The following DBX2 variants were observed in gnomAD, a reference collection of about 807,000 sequenced individuals.
The protein encoded by DBX2 is homeobox protein DBX2.
A neutral mutation model predicts 17.7 loss-of-function variants in DBX2; 16 were observed. The ratio of observed to expected loss-of-function variants is 0.90; its 90% confidence interval spans 0.61 to 1.37. DBX2 has a LOEUF of 1.37. Ranked by LOEUF, DBX2 falls within the 40% of genes most tolerant of loss-of-function variation. The pLI is 0.00. For missense variants in DBX2, 538 were observed against 433.8 expected, an observed-to-expected ratio of 1.24 and a Z score of -2.13; for synonymous variants, 255 against 183.8, an observed-to-expected ratio of 1.39 and a Z score of -3.13.
chr12:45,018,695 T>A (rs1308183469), intron 3 of DBX2, among the ~76,000 whole-genome samples: 1 of 152,050 alleles, frequency 6.6e-6, no homozygotes, highest in Non-Finnish European at 1.5e-5. Flanking sequence ...TGTACACCCA[T>A]ATTCGCAGCA....
chr12:45,022,332 C>G (rs904331813), intron 3 of DBX2, among the ~76,000 whole-genome samples: 2 of 104,402 alleles, frequency 1.9e-5, no homozygotes, highest in African/African-American at 7.7e-5. Flanking sequence ...GAGATGGAGT[C>G]TTGCACTGTC....
intron 1 of DBX2, among the ~76,000 whole-genome samples, chr12:45,036,467 T>C (rs898872645): frequency 2.6e-5 from 4 of 152,220 alleles, no homozygotes; most frequent in African/African-American, 9.6e-5. Flanking sequence ...TGTCTATGTC[T>C]GTATTGTTCA....
intron 1 of DBX2, among the ~76,000 whole-genome samples, chr12:45,046,733 T>A (rs1424654056): frequency 1.3e-5 from 2 of 152,112 alleles, no homozygotes; most frequent in African/African-American, 4.8e-5. Flanking sequence ...AATTAATGGG[T>A]AAACAGTACT....
chr12:45,023,752 T>A lies in DBX2; in HGVS notation c.642A>T (p.Thr214=). Reference sequence around the variant, plus strand: ...AGTTGATGGCAAGTTTCTTTCGGTCTGTTTTGCTGATATATTTCTGTTTCT... The same window carrying A: ...AGTTGATGGCAAGTTTCTTTCGGTCAGTTTTGCTGATATATTTCTGTTTCT... The part of the protein sequence containing the change: ...MFQKQKYISK[T]DRKKLAINLG... Residue 214 remains threonine (T), a synonymous_variant, in exon 3 of 4, where the codon ACA becomes ACT. Coordinates refer to ENST00000332700, the MANE Select transcript of DBX2 (RefSeq NM_001004329.3). The A allele has an allele frequency of 6.2e-7, 1 of 1,614,202 alleles. No homozygotes were observed. Among genetic ancestry groups the A allele is most frequent in the Non-Finnish European group, 8.5e-7 (1 of 1,180,042 alleles).
intron 1 of DBX2, among the ~76,000 whole-genome samples, chr12:45,039,689 A>G (rs531481216): frequency 6.6e-6 from 1 of 152,118 alleles, no homozygotes; most frequent in African/African-American, 2.4e-5. Context: ...CATTCGACAC[A>G]TCTGAAATGT....
At chr12:45,037,573 A>T in intron 1 of DBX2, among the ~76,000 whole-genome samples, 1 of 152,156 alleles carries the variant, frequency 6.6e-6, no homozygotes, top group Admixed American at 6.5e-5. Context: ...TTTCATATTC[A>T]AGGGACAACT....
Position 45,016,463 on chromosome 12 carries a change from G to T in DBX2, c.843C>A (p.Asp281Glu). ...GFPSPCPSIW[D>E]VPQQHSSPRW... ...TTGGACTTGAGTGCTGTTGGGGGAC[G>T]TCCCATATTGAAGGACATGGAGAAG... is the stretch of plus-strand genomic sequence containing the variant. The change falls in exon 4 of 4, where the codon GAC becomes GAA. Residue 281 changes from aspartate to glutamate, a missense_variant. Coordinates refer to ENST00000332700, the MANE Select transcript of DBX2 (RefSeq NM_001004329.3). 1 of 1,613,888 alleles carries T rather than the reference G, an allele frequency of 6.2e-7. No homozygotes were observed. Among genetic ancestry groups the T allele is most frequent in the Non-Finnish European group, 8.5e-7 (1 of 1,179,920 alleles).
At chr12:45,029,046 A>G (rs2137023188) in intron 2 of DBX2, among the ~76,000 whole-genome samples, 1 of 152,318 alleles carries the variant, frequency 6.6e-6, no homozygotes, top group Non-Finnish European at 1.5e-5. Context: ...TACCATTTTC[A>G]TACCTTCTAA....
Position 45,047,999 on chromosome 12 carries a change from C to T in DBX2, c.403+2526G>A, listed in dbSNP as rs139615097. Among the ~76,000 whole-genome samples, 385 of 152,118 alleles carry T rather than the reference C, an allele frequency of 2.5e-3. 2 individuals are homozygous for T. The highest frequency in any genetic ancestry group is 8.6e-3 in the African/African-American group (356 of 41,500). ...CATGGAATGTAAGCTCTACAAGGGC[C>T]GAGACAGTCATCTGTCTTGTTAACT... is the stretch of plus-strand genomic sequence containing the variant. On this transcript the variant is annotated intron_variant, in intron 1 of 3. Transcript: ENST00000332700.
At chr12:45,046,746 G>T (rs1198516769) in intron 1 of DBX2, among the ~76,000 whole-genome samples, 1 of 151,968 alleles carries the variant, frequency 6.6e-6, no homozygotes, top group Non-Finnish European at 1.5e-5. Flanking sequence ...ACAGTACTTG[G>T]GATTGGGAGA....
chr12:45,040,926 A>G (rs1946467723), intron 1 of DBX2, among the ~76,000 whole-genome samples: 2 of 152,004 alleles, frequency 1.3e-5, no homozygotes, highest in African/African-American at 4.8e-5. Context: ...ATTTCAAAGG[A>G]AGAATACTAA....
chr12:45,029,230 G>A (rs1210793129), intron 2 of DBX2, among the ~76,000 whole-genome samples: 2 of 152,198 alleles, frequency 1.3e-5, no homozygotes, highest in Non-Finnish European at 2.9e-5. Flanking sequence ...TTTAAAAGCT[G>A]GAGCCACCAA....
At chr12:45,025,746 T>C (rs950226984) in intron 2 of DBX2, among the ~76,000 whole-genome samples, 3 of 40,756 alleles carry the variant, frequency 7.4e-5, no homozygotes, top group Admixed American at 6.1e-4. Flanking sequence ...TAAATGAATG[T>C]CATAAGTACT....
intron 1 of DBX2, among the ~76,000 whole-genome samples, chr12:45,038,159 A>G (rs1946450408): frequency 6.6e-6 from 1 of 152,042 alleles, no homozygotes; most frequent in South Asian, 2.1e-4. Flanking sequence ...GAAGTACTTC[A>G]GAAAGAAGAA....
intron 3 of DBX2, among the ~76,000 whole-genome samples, chr12:45,023,412 A>G (rs2643142): frequency 1.3e-5 from 2 of 152,022 alleles, no homozygotes; most frequent in African/African-American, 4.8e-5. Flanking sequence ...TCTCTTCATT[A>G]GAAAATAAAG....
chr12:45,036,971 A>G (rs1008730795), intron 1 of DBX2, among the ~76,000 whole-genome samples: 5 of 152,196 alleles, frequency 3.3e-5, no homozygotes, highest in Non-Finnish European at 4.4e-5. Context: ...TGAACTATTT[A>G]TTATTACTCC....
intron 3 of DBX2, among the ~76,000 whole-genome samples, chr12:45,017,467 C>A (rs1459148156): frequency 6.6e-6 from 1 of 152,138 alleles, no homozygotes; most frequent in Non-Finnish European, 1.5e-5. Flanking sequence ...AGGGTCCAGG[C>A]TCTTATAAAC....
chr12:45,048,899 G>A (rs924197111), intron 1 of DBX2, among the ~76,000 whole-genome samples: 1 of 152,050 alleles, frequency 6.6e-6, no homozygotes, highest in Admixed American at 6.6e-5. Flanking sequence ...TACAACCCTC[G>A]TAATTATTCC....
At chr12:45,042,167 A>G (rs1386176438) in intron 1 of DBX2, among the ~76,000 whole-genome samples, 3 of 152,238 alleles carry the variant, frequency 2.0e-5, no homozygotes, top group Non-Finnish European at 4.4e-5. Flanking sequence ...TGAAAAGAAC[A>G]TAAAACAACA....
Sources: allele counts gnomAD v4.1 joint callset (sites outside exome capture counted in the v4.1 genomes callset), GRCh38; gene constraint gnomAD v4.1.1; transcripts MANE v1.5; gene names NCBI Gene and HGNC (gene_info 2026-07-23, HGNC 2026-07-21).